ANK1: variants seen among roughly 807,000 people sequenced by gnomAD.
ANK1 encodes ankyrin-1.
ANK1 carries 51 observed loss-of-function variants against 210.4 expected under a neutral mutation model. The ratio of observed to expected loss-of-function variants is 0.24; its 90% CI spans 0.19 to 0.31. ANK1 has a LOEUF of 0.31. Ranked by LOEUF, ANK1 falls within the 10% of genes least tolerant of loss-of-function variation. The probability of loss-of-function intolerance (pLI) is 1.00; values close to 1 mark genes in which losing one functional copy is unlikely to be tolerated. For synonymous variants in ANK1, 967 were observed against 1,025.9 expected (o/e 0.94, Z 1.10); for missense variants, 2,051 against 2,504.4 (o/e 0.82, Z 3.86).
intron 38 of ANK1, among the ~76,000 whole-genome samples, chr8:41,669,058 G>A (rs575465956): frequency 1.7e-4 from 26 of 151,488 alleles, no homozygotes; most frequent in Admixed American, 7.2e-4. Flanking sequence ...CTCTCTGGCC[G>A]CTGTTGTTCC....
At chr8:41,769,500 TAG>T (rs1335370900) in intron 1 of ANK1, among the ~76,000 whole-genome samples, 1 of 151,978 alleles carries the variant, frequency 6.6e-6, no homozygotes, top group African/African-American at 2.4e-5. Context: ...CATTAATATT[TAG>T]AGAGAGAGAG....
intron 1 of ANK1, among the ~76,000 whole-genome samples, chr8:41,823,029 T>C (rs1460216277): frequency 6.6e-6 from 1 of 152,214 alleles, no homozygotes; most frequent in Non-Finnish European, 1.5e-5. Flanking sequence ...GCTCTGAGCA[T>C]GAGCGGAGGC....
Position 41,693,947 on chromosome 8 carries a change from G to C in ANK1, c.3483C>G (p.Asp1161Glu), listed in dbSNP as rs765121163. The change falls in exon 29 of 43, where the codon GAC becomes GAG. Residue 1161 changes from aspartate (D) to glutamate (E), a missense_variant. Transcript: ENST00000289734. ...GGCTGGTGGTGTCTCCCTCCCCGCT[G>C]TCCCTCGGGTTGTCGGTCCAGGAAG... Reference protein sequence around the residue: ...LPPSWTDNPRDSGEGDTTSLR... With the variant: ...LPPSWTDNPRESGEGDTTSLR... 2 of 1,613,888 alleles carry C rather than the reference G, an allele frequency of 1.2e-6. No individual in the cohort carries two copies. The highest frequency in any genetic ancestry group is 1.7e-6 in the Non-Finnish European group (2 of 1,179,954).
chr8:41,800,725 T>C (rs926357600), upstream of ANK1, among the ~76,000 whole-genome samples: 3 of 152,154 alleles, frequency 2.0e-5, no homozygotes, highest in African/African-American at 7.2e-5. Context: ...GGTTGTATGA[T>C]TTTTGTTTGT....
chr8:41,769,772 C>T (rs1842625491), intron 1 of ANK1, among the ~76,000 whole-genome samples: 1 of 152,064 alleles, frequency 6.6e-6, no homozygotes, highest in Non-Finnish European at 1.5e-5. Context: ...TATTCCCTGC[C>T]TCCTGCCGGC....
chr8:41,665,455 G>A, intron 39 of ANK1: 1 of 389,088 alleles, frequency 2.6e-6, no homozygotes, highest in South Asian at 2.1e-5. Context: ...AGACCTGGAA[G>A]TGGGGGCTCG....
At chr8:41,688,463 C>G (rs755056971) in intron 34 of ANK1, 48 bp downstream of exon 34, 1 of 1,598,308 alleles carries the variant, frequency 6.3e-7, no homozygotes, top group Non-Finnish European at 8.6e-7. Flanking sequence ...CTCACGCCCA[C>G]CCTTCTTGGG....
chr8:41,827,718 TCA>T (rs57641790), intron 1 of ANK1, among the ~76,000 whole-genome samples: 48,977 of 130,794 alleles, frequency 0.37, 9,074 homozygotes, highest in South Asian at 0.43. Flanking sequence ...GCACACCCAC[TCA>T]CACTCACACA....
chr8:41,713,059 C>T (rs916033919), intron 16 of ANK1, among the ~76,000 whole-genome samples: 6 of 152,196 alleles, frequency 3.9e-5, no homozygotes, highest in Non-Finnish European at 8.8e-5. Flanking sequence ...GGAGGGAGAA[C>T]GCGCCGAAGC....
At chr8:41,822,179 A>C (rs989360739) in intron 1 of ANK1, among the ~76,000 whole-genome samples, 1 of 150,026 alleles carries the variant, frequency 6.7e-6, no homozygotes, top group African/African-American at 2.5e-5. Flanking sequence ...AGAAAGAAAG[A>C]AAGAAAGAAG....
Position 41,714,162 on chromosome 8 carries a change from A to T in ANK1, c.1794T>A (p.Pro598=). 2.9e-6 allele frequency: 4 copies of T among 1,401,550 alleles called. No individual in the cohort carries two copies. Among genetic ancestry groups the T allele is most frequent in the Non-Finnish European group, 3.8e-6 (4 of 1,060,912 alleles). 86.8% of individuals were successfully genotyped at this position (1,401,550 alleles called of 1,614,324 possible). A position where few individuals can be genotyped will look rare whatever the true frequency, so the allele number is the denominator to read the frequency against. ...GGAGAGGGGCGGGCCTTACCCAGGC[A>T]GGGCTGTGCGGGGAGCCGCCCCGGG... The part of the protein sequence containing the change: ...LLPRGGSPHS[P]AWNGYTPLHI... The change falls in exon 16 of 43, where the codon CCT becomes CCA. Residue 598 remains proline, a synonymous_variant. Transcript: ENST00000289734.
At chr8:41,737,308 AAAC>A (rs1277743288) in intron 2 of ANK1, among the ~76,000 whole-genome samples, 1 of 152,178 alleles carries the variant, frequency 6.6e-6, no homozygotes, top group Non-Finnish European at 1.5e-5. Flanking sequence ...CAACAAAATA[AAAC>A]AAAACCAAAC....
intron 40 of ANK1, among the ~76,000 whole-genome samples, chr8:41,663,098 GTCTC>G (rs60380363): frequency 6.9e-6 from 1 of 145,046 alleles, no homozygotes; most frequent in Non-Finnish European, 1.5e-5. Context: ...GTGTGTGTGT[GTCTC>G]TCTCTCTCTC....
At chr8:41,740,372 C>T (rs187287331) in intron 2 of ANK1, among the ~76,000 whole-genome samples, 1 of 151,896 alleles carries the variant, frequency 6.6e-6, no homozygotes, top group Non-Finnish European at 1.5e-5. Flanking sequence ...GTTGGCCAGG[C>T]TGGTCTCGAA....
At chr8:41,773,616 G>A (rs1449030743) in intron 1 of ANK1, among the ~76,000 whole-genome samples, 1 of 152,152 alleles carries the variant, frequency 6.6e-6, no homozygotes, top group African/African-American at 2.4e-5. Flanking sequence ...TTTCAGAATT[G>A]AGATTTTTTT....
At chr8:41,843,473 G>C (rs924854093) in intron 1 of ANK1, among the ~76,000 whole-genome samples, 4 of 151,730 alleles carry the variant, frequency 2.6e-5, no homozygotes, top group African/African-American at 7.3e-5. Flanking sequence ...TTTAAAGGGG[G>C]GGCCCTGCAG....
intron 1 of ANK1, among the ~76,000 whole-genome samples, chr8:41,864,469 C>T (rs1034145006): frequency 5.3e-5 from 8 of 152,104 alleles, no homozygotes; most frequent in South Asian, 4.2e-4. Context: ...AGCTGCTGGC[C>T]GCGTGCTGAG....
chr8:41,849,757 G>A (rs551721709), intron 1 of ANK1, among the ~76,000 whole-genome samples: 10 of 152,246 alleles, frequency 6.6e-5, no homozygotes, highest in East Asian at 1.9e-4. Flanking sequence ...TCTTTTCTAC[G>A]TGATCTCTCA....
At position 41,688,247 on chromosome 8, in the gene ANK1, G is replaced by T; in HGVS notation, c.4184-17C>A. 6.2e-7 allele frequency: 1 copy of T among 1,613,640 alleles called. No individual in the cohort carries two copies. The highest frequency in any genetic ancestry group is 2.2e-5 in the East Asian group (1 of 44,876). ...TGAGAGAACCTGGGGAGAAGCATTA[G>T]ATTTCATTTAGTAGCCAGGGCAGGA... On this transcript the variant is annotated splice_polypyrimidine_tract_variant and intron_variant, in intron 34 of 42. Coordinates refer to ENST00000289734, the MANE Select transcript of ANK1 (RefSeq NM_000037.4).
Sources: allele counts gnomAD v4.1 joint callset (sites outside exome capture counted in the v4.1 genomes callset), GRCh38; gene constraint gnomAD v4.1.1; transcripts MANE v1.5; gene names NCBI Gene and HGNC (gene_info 2026-07-23, HGNC 2026-07-21).